Variants in TRPV3 observed in about 807,000 individuals in gnomAD.
TRPV3 encodes the protein VRL-3.
A neutral mutation model predicts 87.1 loss-of-function variants in TRPV3; 88 were observed. The observed-to-expected ratio is 1.01, with a 90% CI of 0.85 to 1.21. The LOEUF is 1.21. Among genes scored for constraint, TRPV3 ranks in the 50% most tolerant of loss-of-function variants. TRPV3 has a pLI of 0.00. For synonymous variants in TRPV3, 438 were observed against 423.3 expected, an observed-to-expected ratio of 1.03 and a Z score of -0.43; for missense variants, 1,054 against 1,030.1, an observed-to-expected ratio of 1.02 and a Z score of -0.32.
chr17:3,523,992 C>A (rs1239460449), intron 13 of TRPV3, among the ~76,000 whole-genome samples: 4 of 152,080 alleles, frequency 2.6e-5, no homozygotes, highest in African/African-American at 9.7e-5. Context: ...ACAAACTGTA[C>A]CCCTCCCCAG....
At chr17:3,549,379 A>G (rs1335228121) in intron 2 of TRPV3, among the ~76,000 whole-genome samples, 1 of 152,242 alleles carries the variant, frequency 6.6e-6, no homozygotes, top group East Asian at 1.9e-4. Context: ...AGAACTGACC[A>G]AGAAATAGTA....
At chr17:3,547,482 G>A (rs1007143846) in intron 2 of TRPV3, among the ~76,000 whole-genome samples, 1 of 152,192 alleles carries the variant, frequency 6.6e-6, no homozygotes, top group Admixed American at 6.5e-5. Context: ...GTAGCCAGGC[G>A]TGGTGGCACG....
chr17:3,551,795 G>A (rs1382129319), intron 2 of TRPV3, among the ~76,000 whole-genome samples: 1 of 150,084 alleles, frequency 6.7e-6, no homozygotes, highest in African/African-American at 2.4e-5. Flanking sequence ...CAGACTCCCT[G>A]GTGCCTTTGA....
At chr17:3,533,414 T>C (rs1226995633) in intron 7 of TRPV3, among the ~76,000 whole-genome samples, 1 of 152,162 alleles carries the variant, frequency 6.6e-6, no homozygotes, top group African/African-American at 2.4e-5. Context: ...CACCTTTCAG[T>C]GAGCCACCCT....
intron 14 of TRPV3, among the ~76,000 whole-genome samples, chr17:3,519,476 A>G (rs12150330): frequency 1.7e-3 from 186 of 110,012 alleles, no homozygotes; most frequent in South Asian, 2.6e-3. Flanking sequence ...ATGGATGGAT[A>G]GATGATTGGA....
chr17:3,535,233 T>C (rs1597481297), intron 7 of TRPV3, among the ~76,000 whole-genome samples: 11 of 19,958 alleles, frequency 5.5e-4, no homozygotes, highest in East Asian at 2.4e-3. Flanking sequence ...GCCTCCCTCC[T>C]CCCTCCCTCC....
chr17:3,553,253 G>C (rs1028691338), intron 2 of TRPV3: 1 of 152,628 alleles, frequency 6.6e-6, no homozygotes, highest in African/African-American at 2.4e-5. Context: ...CTATCACCTG[G>C]GCTTCCCAAA....
At chr17:3,546,771 A>G in intron 2 of TRPV3, 1 of 415,818 alleles carries the variant, frequency 2.4e-6, no homozygotes, top group Admixed American at 2.6e-5. Flanking sequence ...TGAGGTCAGG[A>G]GTTTGAGGCC....
At chr17:3,542,777 T>C in intron 5 of TRPV3, 79 bp from the exon 6 acceptor site, 4 of 1,484,906 alleles carry the variant, frequency 2.7e-6, no homozygotes, top group Non-Finnish European at 3.6e-6. Context: ...GTGTGGTTGC[T>C]GCAGCCGCAG....
At position 3,530,088 on chromosome 17, in the gene TRPV3, T is replaced by C. The variant is rs1054581348; in HGVS notation, c.1181A>G (p.Asn394Ser). 1.9e-6 allele frequency: 3 copies of C among 1,614,046 alleles called. No homozygotes were observed. Among genetic ancestry groups the C allele is most frequent in the Non-Finnish European group, 2.5e-6 (3 of 1,179,962 alleles). ...PVSSSLYDLTNVDTTTDNSVL... is the reference protein window; with the variant it reads ...PVSSSLYDLTSVDTTTDNSVL... ...TGAGTTGTCCGTGGTGGTGTCCACG[T>C]TGGTGAGGTCGTAGAGGGAGGATGA... Residue 394 changes from asparagine to serine, a missense_variant, in exon 9 of 18, where the codon AAC (asparagine) becomes AGC (serine). By Grantham distance (46) the Asn-to-Ser change is conservative. Transcript: ENST00000576742. The surrounding 1 kb of genome is among the most constrained non-coding windows in gnomAD (Gnocchi z 4.0).
intron 1 of TRPV3, among the ~76,000 whole-genome samples, chr17:3,555,352 G>A (rs1337028191): frequency 6.6e-6 from 1 of 152,224 alleles, no homozygotes; most frequent in Non-Finnish European, 1.5e-5. Context: ...CACAGAGCAA[G>A]ATTATCACCT....
Position 3,533,914 on chromosome 17 carries a change from G to A in TRPV3, c.785-977C>T, listed in dbSNP as rs996319155. Among the ~76,000 whole-genome samples, 6 of 152,306 alleles carry A rather than the reference G, an allele frequency of 3.9e-5. No individual in the cohort carries two copies. In the East Asian group the frequency reaches 1.2e-3, roughly 29 times the overall value. Reference sequence around the variant, plus strand: ...TAGAATGTAAGTTCCATGAGGGCAAGGATCTCTATTTTGTTCACTGATACA... The same window carrying A: ...TAGAATGTAAGTTCCATGAGGGCAAAGATCTCTATTTTGTTCACTGATACA... On this transcript the variant is annotated intron_variant, in intron 7 of 17. Transcript: ENST00000576742.
At chr17:3,546,777 A>AGACTAGCCT (rs201321354) in intron 2 of TRPV3, 1 of 429,336 alleles carries the variant, frequency 2.3e-6, no homozygotes, top group South Asian at 1.6e-5. Context: ...CAGGAGTTTG[A>AGACTAGCCT]GGCCAATGCG....
Position 3,528,052 on chromosome 17 carries a change from G to C in TRPV3, c.1476C>G (p.Ile492Met), listed in dbSNP as rs912458265. 3.1e-6 allele frequency: 5 copies of C among 1,613,664 alleles called. No individual in the cohort carries two copies. Among genetic ancestry groups the C allele is most frequent in the Non-Finnish European group, 4.2e-6 (5 of 1,179,996 alleles). ...LQLLGRMFVL[I>M]WAMCISVKEG... is the part of the protein sequence containing the mutation. ...CTTTCACAGAGATGCACATGGCCCA[G>C]ATGAGCACAAACATCCTCCCTAGGA... Residue 492 changes from isoleucine to methionine, a missense_variant, in exon 11 of 18, where the codon ATC (isoleucine) becomes ATG (methionine). Ile to Met is a conservative substitution (Grantham distance 10). Coordinates refer to ENST00000576742, the MANE Select transcript of TRPV3 (RefSeq NM_145068.4). The surrounding 1 kb of genome is among the most constrained non-coding windows in gnomAD (Gnocchi z 4.2).
rs957615901 is a variant in TRPV3 at position 3,524,689 on chromosome 17, G to T, written c.1578-326C>A. 2.0e-5 allele frequency among the ~76,000 whole-genome samples: 3 copies of T among 151,838 alleles called. No homozygotes were observed. In the South Asian group the frequency reaches 6.3e-4, roughly 32 times the overall value. ...CATATATTTTTTAAATTACCCACAC[G>T]GGCCTGGTGTAGTGGCTTTCGCCTG... On this transcript the variant is annotated intron_variant, in intron 12 of 17. Transcript: ENST00000576742.
chr17:3,525,787 A>C lies in TRPV3; in HGVS notation c.1577+1067T>G, dbSNP rs1337978264. On this transcript the variant is annotated intron_variant, in intron 12 of 17. Coordinates refer to ENST00000576742, the MANE Select transcript of TRPV3 (RefSeq NM_145068.4). ...GGTGCATGCCACCACACACAAGGCTAATTTTTGTATTTTTTGTAGAGAGAG... is the reference window on the plus strand; with the variant it reads ...GGTGCATGCCACCACACACAAGGCTCATTTTTGTATTTTTTGTAGAGAGAG... 2.6e-5 allele frequency among the ~76,000 whole-genome samples: 4 copies of C among 151,986 alleles called. No individual in the cohort carries two copies. In the South Asian group the frequency reaches 6.2e-4, roughly 24 times the overall value.
At chr17:3,536,504 C>T (rs1283947828) in intron 6 of TRPV3, among the ~76,000 whole-genome samples, 4 of 152,166 alleles carry the variant, frequency 2.6e-5, no homozygotes, top group Non-Finnish European at 5.9e-5. Context: ...AGGAGAATCG[C>T]TTGAACCCAG....
intron 1 of TRPV3, among the ~76,000 whole-genome samples, chr17:3,555,735 G>A (rs1041197045): frequency 2.0e-5 from 3 of 152,206 alleles, no homozygotes; most frequent in Non-Finnish European, 2.9e-5. Context: ...AGGACAAGCC[G>A]GGCAGAGGAC....
intron 7 of TRPV3, 63 bp from the exon 8 acceptor site, chr17:3,533,000 C>G: frequency 6.3e-7 from 1 of 1,582,656 alleles, no homozygotes; most frequent in Non-Finnish European, 8.6e-7. Flanking sequence ...CCCCCAAGCC[C>G]CAGGACTGGG....
Sources: allele counts gnomAD v4.1 joint callset (sites outside exome capture counted in the v4.1 genomes callset), GRCh38; gene constraint gnomAD v4.1.1; non-coding constraint Gnocchi (gnomAD v3.1); transcripts MANE v1.5; gene names NCBI Gene and HGNC (gene_info 2026-07-23, HGNC 2026-07-21).